Variants in HOMER1 observed in about 807,000 individuals in gnomAD.
The protein encoded by HOMER1 is homer scaffold protein 1.
HOMER1 carries 3 observed loss-of-function variants against 48.9 expected under a neutral mutation model. That is an observed-to-expected ratio of 0.06 (90% CI 0.03 to 0.16). HOMER1 has a LOEUF of 0.16. Among genes scored for constraint, HOMER1 ranks in the 10% least tolerant of loss-of-function variants. The pLI is 1.00. For missense variants in HOMER1, 247 were observed against 411.4 expected (o/e 0.60, Z 3.46); for synonymous variants, 134 against 146.4 (o/e 0.92, Z 0.61).
At chr5:79,466,224 T>C (rs376722068) in intron 1 of HOMER1, among the ~76,000 whole-genome samples, 1 of 152,002 alleles carries the variant, frequency 6.6e-6, no homozygotes, top group African/African-American at 2.4e-5. Context: ...CATTTAAAAT[T>C]ACATTTTTAG....
rs535120461 is a variant in HOMER1, at chr5:79,486,429, A to T, written c.5+26341T>A. 8.6e-4 allele frequency among the ~76,000 whole-genome samples: 131 copies of T among 152,364 alleles called. 1 individual carries two copies. The highest frequency in any genetic ancestry group is 2.9e-3 in the African/African-American group (120 of 41,584). ...AGTGTAGCTGAACACAGACATAAAAAACAAAGCATCAACGCCAGCAGCAAC... is the reference window on the plus strand; with the variant it reads ...AGTGTAGCTGAACACAGACATAAAATACAAAGCATCAACGCCAGCAGCAAC... On this transcript the variant is annotated intron_variant, in intron 1 of 8. Coordinates refer to ENST00000334082, the MANE Select transcript of HOMER1 (RefSeq NM_004272.5).
intron 5 of HOMER1, among the ~76,000 whole-genome samples, chr5:79,406,796 A>G (rs1468410607): frequency 2.0e-5 from 3 of 152,342 alleles, no homozygotes; most frequent in Admixed American, 2.0e-4. Context: ...GGACAGAGGC[A>G]GGAAACTCCT....
chr5:79,402,401 TCAGGTGATC>T (rs1275489112), intron 5 of HOMER1, among the ~76,000 whole-genome samples: 3 of 152,116 alleles, frequency 2.0e-5, no homozygotes, highest in African/African-American at 7.2e-5. Context: ...ACTCCTGACC[TCAGGTGATC>T]CACCTGCCTC....
chr5:79,377,989 G>A (rs1748817883), intron 8 of HOMER1, among the ~76,000 whole-genome samples: 1 of 152,090 alleles, frequency 6.6e-6, no homozygotes, highest in South Asian at 2.1e-4. Context: ...AACTCTGGGA[G>A]GCTGAATCAC....
intron 1 of HOMER1, among the ~76,000 whole-genome samples, chr5:79,501,735 T>G (rs895126333): frequency 1.3e-5 from 2 of 152,196 alleles, no homozygotes; most frequent in African/African-American, 4.8e-5. Context: ...CCCAAGGAGC[T>G]GGGGGAATCC....
chr5:79,492,503 A>C (rs1461028605), intron 1 of HOMER1, among the ~76,000 whole-genome samples: 2 of 152,042 alleles, frequency 1.3e-5, no homozygotes, highest in Non-Finnish European at 2.9e-5. Flanking sequence ...AAGAAGGAAA[A>C]AAAAAACCCA....
chr5:79,494,810 A>C (rs1433701833), intron 1 of HOMER1, among the ~76,000 whole-genome samples: 5 of 152,264 alleles, frequency 3.3e-5, no homozygotes, highest in Admixed American at 3.3e-4. Context: ...AGGAGGTTGC[A>C]GTGAGGCAAG....
intron 1 of HOMER1, among the ~76,000 whole-genome samples, chr5:79,483,580 G>T (rs1232986072): frequency 6.6e-6 from 1 of 151,906 alleles, no homozygotes; most frequent in African/African-American, 2.4e-5. Context: ...ATCATTAGTG[G>T]ACCTGACTAT....
At chr5:79,418,715 T>C (rs1303209966) in intron 5 of HOMER1, among the ~76,000 whole-genome samples, 7 of 152,232 alleles carry the variant, frequency 4.6e-5, no homozygotes, top group Non-Finnish European at 8.8e-5. Context: ...CTGTAATGGA[T>C]GGGTACTTTG....
intron 5 of HOMER1, among the ~76,000 whole-genome samples, chr5:79,410,466 G>A (rs1462909904): frequency 6.8e-6 from 1 of 147,660 alleles, no homozygotes; most frequent in Non-Finnish European, 1.5e-5. Flanking sequence ...TCCAGCCTGG[G>A]TAACAAGAGT....
intron 1 of HOMER1, among the ~76,000 whole-genome samples, chr5:79,463,238 A>T (rs1561373327): frequency 6.6e-6 from 1 of 152,182 alleles, no homozygotes. Flanking sequence ...TGGCAATCCC[A>T]TTCTTGCCAG....
chr5:79,506,042 C>CA (rs1234099231), intron 1 of HOMER1, among the ~76,000 whole-genome samples: 1 of 151,232 alleles, frequency 6.6e-6, no homozygotes, highest in Non-Finnish European at 1.5e-5. Context: ...GTTTAGCAGA[C>CA]AAAAAAAATT....
intron 1 of HOMER1, among the ~76,000 whole-genome samples, chr5:79,474,282 G>A (rs1282883165): frequency 7.2e-6 from 1 of 138,742 alleles, no homozygotes; most frequent in East Asian, 2.2e-4. Flanking sequence ...AGAACTCCTG[G>A]CTTCAAGGGA....
chr5:79,429,544 T>G (rs1485228131), intron 5 of HOMER1, among the ~76,000 whole-genome samples: 1 of 152,172 alleles, frequency 6.6e-6, no homozygotes, highest in African/African-American at 2.4e-5. Context: ...ACTGGATAGA[T>G]GTGGACCTCT....
rs34470593 is a variant in HOMER1 at position 79,375,904 on chromosome 5, ATTT to A, written c.*102_*104del. 962 of 350,450 alleles carry A rather than the reference ATTT, an allele frequency of 2.7e-3. No individual in the cohort carries two copies. The highest frequency in any genetic ancestry group is 3.1e-3 in the Middle Eastern group (4 of 1,286). The allele number at this position is 350,450 out of a possible 1,614,324, so 21.7% of individuals were successfully genotyped here. ...CCTCCTCCTGGAGGAGTGATATTCAATTTTTTTTTTTTTTTTTTTGTGCAATCT... is the reference window on the plus strand; with the variant it reads ...CCTCCTCCTGGAGGAGTGATATTCAATTTTTTTTTTTTTTTTGTGCAATCT... On this transcript the variant is annotated 3_prime_UTR_variant, in exon 9 of 9. Coordinates refer to ENST00000334082, the MANE Select transcript of HOMER1 (RefSeq NM_004272.5).
intron 8 of HOMER1, among the ~76,000 whole-genome samples, chr5:79,386,943 TTCCTTTCC>T (rs758243204): frequency 0.012 from 819 of 68,674 alleles, 6 homozygotes; most frequent in Middle Eastern, 0.022. Flanking sequence ...CCTTCCTTCC[TTCCTTTCC>T]TTTCTTCCTT....
chr5:79,421,650 G>C (rs1186410280), intron 5 of HOMER1, among the ~76,000 whole-genome samples: 1 of 150,694 alleles, frequency 6.6e-6, no homozygotes, highest in Non-Finnish European at 1.5e-5. Flanking sequence ...TTGTCGCCCA[G>C]GCTGGAGTGC....
intron 1 of HOMER1, among the ~76,000 whole-genome samples, chr5:79,483,158 A>G (rs1751994501): frequency 6.6e-6 from 1 of 152,186 alleles, no homozygotes; most frequent in Non-Finnish European, 1.5e-5. Context: ...AAATTACTTA[A>G]AGCCAATGAT....
chr5:79,490,771 AAAAAAAAAAC>A (rs1458913541), intron 1 of HOMER1, among the ~76,000 whole-genome samples: 2 of 145,312 alleles, frequency 1.4e-5, no homozygotes, highest in African/African-American at 5.1e-5. Flanking sequence ...ATCTCTACCA[AAAAAAAAAAC>A]AAAAAAAAAA....
Sources: gnomAD v4.1 joint callset for allele counts (sites outside exome capture counted in the v4.1 genomes callset) on GRCh38, gnomAD v4.1.1 for gene constraint, MANE v1.5 for transcripts, NCBI Gene and HGNC (gene_info 2026-07-23, HGNC 2026-07-21) for gene names.